Variants in LOXL3 observed in about 807,000 individuals in gnomAD.
LOXL3 encodes the protein lysyl oxidase like 3, also known as lysyl oxidase homolog 3.
LOXL3 carries 60 observed loss-of-function variants against 91.8 expected under a neutral mutation model. The observed-to-expected ratio is 0.65, with a 90% CI of 0.53 to 0.81. The LOEUF is 0.81. Ranked by LOEUF, LOXL3 falls within the 30% of genes least tolerant of loss-of-function variation. The pLI is 0.00. For synonymous variants in LOXL3, 355 were observed against 387.6 expected (o/e 0.92, Z 0.99); for missense variants, 874 against 1,000.4 (o/e 0.87, Z 1.70).
rs1379854381 is a variant in LOXL3 at position 74,534,711 on chromosome 2, G to T, written c.1643C>A (p.Pro548His). Residue 548 changes from proline (P) to histidine (H), a missense_variant, in exon 10 of 14, where the codon CCC becomes CAC. Pro to His is a moderately conservative substitution (Grantham distance 77). Transcript: ENST00000264094. Reference sequence around the variant, plus strand: ...CGCAGCACAGTACAACATATGCAGGGGCCGGTCTTCGATGTAGGCGGTCTC... The same window carrying T: ...CGCAGCACAGTACAACATATGCAGGTGCCGGTCTTCGATGTAGGCGGTCTC... ...VQETAYIEDR[P>H]LHMLYCAAEE... The T allele has an allele frequency of 3.8e-5, 61 of 1,614,018 alleles. No individual in the cohort carries two copies. The highest frequency in any genetic ancestry group is 5.0e-5 in the Non-Finnish European group (59 of 1,180,030).
intron 4 of LOXL3, among the ~76,000 whole-genome samples, chr2:74,546,546 C>G (rs897658282): frequency 2.0e-5 from 3 of 152,062 alleles, no homozygotes; most frequent in African/African-American, 7.2e-5. Context: ...CACACACAGG[C>G]ACACACACAC....
chr2:74,543,899 T>TAAAAAAAAAAAAAA (rs1352260802), intron 4 of LOXL3, among the ~76,000 whole-genome samples: 1 of 49,320 alleles, frequency 2.0e-5, no homozygotes, highest in African/African-American at 1.2e-4. Flanking sequence ...AGGCTCTGTC[T>TAAAAAAAAAAAAAA]CAAAAAAAAA....
chr2:74,537,006 A>G (rs1444065090), intron 4 of LOXL3, 78 bp from the exon 5 acceptor site: 10 of 1,145,426 alleles, frequency 8.7e-6, no homozygotes, highest in African/African-American at 4.6e-5. Context: ...CTCCCACTTC[A>G]TGCCTCCACC....
rs570281864 is a variant in LOXL3 at position 74,534,897 on chromosome 2, G to A, written c.1580-123C>T. 6.5e-5 allele frequency: 75 copies of A among 1,161,214 alleles called. 2 individuals are homozygous for A. The East Asian group carries it at 1.7e-3, about 27-fold the overall frequency. 71.9% of individuals were successfully genotyped at this position (1,161,214 alleles called of 1,614,324 possible). A position where few individuals can be genotyped will look rare whatever the true frequency, so the allele number is the denominator to read the frequency against. ...TTTGTTTTTGTTTGTTTGTTTGTTT[G>A]AGATGGAGTCTCACTCTGTTGCCGA... On this transcript the variant is annotated intron_variant, in intron 9 of 13. Coordinates refer to ENST00000264094, the MANE Select transcript of LOXL3 (RefSeq NM_032603.5).
Position 74,534,530 on chromosome 2 carries a change from C to T in LOXL3, c.1823+1G>A. 2.5e-6 allele frequency: 4 copies of T among 1,614,162 alleles called. No individual in the cohort carries two copies. Among genetic ancestry groups the T allele is most frequent in the Non-Finnish European group, 3.4e-6 (4 of 1,179,978 alleles). On this transcript the variant is annotated splice_donor_variant, in intron 10 of 13. Transcript: ENST00000264094. LOFTEE classifies it high-confidence loss of function. ...TTCTACTTGACTCCCTACCCTCTCA[C>T]CCATGGCACTCGTGCCACACCCAGG... is the stretch of plus-strand genomic sequence containing the variant.
In LOXL3 at chr2:74,536,201, T is replaced by G; in HGVS notation, c.1094-51A>C. 6.2e-7 allele frequency: 1 copy of G among 1,612,024 alleles called. No individual in the cohort carries two copies. Among genetic ancestry groups the G allele is most frequent in the Non-Finnish European group, 8.5e-7 (1 of 1,179,848 alleles). ...AAGTTGTAATTAAGCATATATTGTC[T>G]GCCCAGGGGACACCTAACCTTCCGA... On this transcript the variant is annotated intron_variant, in intron 6 of 13. Coordinates refer to ENST00000264094, the MANE Select transcript of LOXL3 (RefSeq NM_032603.5). This position sits in a 1 kb window ranked among gnomAD's most constrained non-coding sequence, Gnocchi z 4.5.
chr2:74,542,247 G>A (rs1676366163), intron 4 of LOXL3, among the ~76,000 whole-genome samples: 1 of 152,124 alleles, frequency 6.6e-6, no homozygotes, highest in African/African-American at 2.4e-5. Flanking sequence ...GAGCCATGAT[G>A]GCGCCACTGC....
upstream of LOXL3, chr2:74,554,700 C>T (rs1377997457): frequency 6.3e-7 from 1 of 1,587,772 alleles, no homozygotes; most frequent in Non-Finnish European, 8.6e-7. This position sits in a 1 kb window ranked among gnomAD's most constrained non-coding sequence, Gnocchi z 4.9. Flanking sequence ...GGCCCCGCCT[C>T]CCGCCCCGCC....
rs751096939 is a variant in LOXL3 at position 74,549,547 on chromosome 2, G to C, written c.514C>G (p.Arg172Gly). 6.2e-7 allele frequency: 1 copy of C among 1,611,514 alleles called. No homozygotes were observed. Among genetic ancestry groups the C allele is most frequent in the East Asian group, 2.2e-5 (1 of 44,784 alleles). ...HHLQVEEVRI[R>G]PAVGWGRRPL... ...CGTCTGCCCCACCCAACGGCGGGTC[G>C]AATTCGCACCTCCTCCACTTGCAGG... Residue 172 changes from arginine to glycine, a missense_variant, in exon 4 of 14, where the codon CGA becomes GGA. Transcript: ENST00000264094. The surrounding 1 kb of genome is among the most constrained non-coding windows in gnomAD (Gnocchi z 5.3).
At chr2:74,547,319 A>G (rs1276601787) in intron 4 of LOXL3, among the ~76,000 whole-genome samples, 1 of 152,214 alleles carries the variant, frequency 6.6e-6, no homozygotes, top group Non-Finnish European at 1.5e-5. Flanking sequence ...GGTAGTGTCT[A>G]CAACAGTACC....
chr2:74,537,042 T>C (rs1165694431), intron 4 of LOXL3, 114 bp from the exon 5 acceptor site: 9 of 769,254 alleles, frequency 1.2e-5, no homozygotes, highest in Non-Finnish European at 1.9e-5. Context: ...TTGTGACCAT[T>C]TATCTCCTCT....
chr2:74,554,619 C>A (rs921976495), upstream of LOXL3: 2 of 775,712 alleles, frequency 2.6e-6, no homozygotes, highest in Non-Finnish European at 4.2e-6. The surrounding 1 kb of genome is among the most constrained non-coding windows in gnomAD (Gnocchi z 4.9). Context: ...TCCTCTCCCT[C>A]ACCCCACCGC....
At position 74,535,779 on chromosome 2, in the gene LOXL3, G is replaced by A. The variant is rs749116545; in HGVS notation, c.1249-24C>T. ...ATCTGTAGTGACACAGAATGGAAGC[G>A]CTGGAGAAAGCTTTGGGGTGAGGTA... On this transcript the variant is annotated intron_variant, in intron 7 of 13. Coordinates refer to ENST00000264094, the MANE Select transcript of LOXL3 (RefSeq NM_032603.5). This position sits in a 1 kb window ranked among gnomAD's most constrained non-coding sequence, Gnocchi z 4.2. 12 of 1,534,452 alleles carry A rather than the reference G, an allele frequency of 7.8e-6. No homozygotes were observed. Among genetic ancestry groups the A allele is most frequent in the African/African-American group, 5.6e-5 (4 of 71,898 alleles).
intron 4 of LOXL3, among the ~76,000 whole-genome samples, chr2:74,543,245 T>C (rs1676418486): frequency 6.6e-6 from 1 of 152,192 alleles, no homozygotes. Context: ...CTCCCCTATC[T>C]GGTCATTAAA....
upstream of LOXL3, chr2:74,554,761 G>T (rs368294305): frequency 1.9e-6 from 3 of 1,613,406 alleles, no homozygotes; most frequent in East Asian, 2.2e-5. This position sits in a 1 kb window ranked among gnomAD's most constrained non-coding sequence, Gnocchi z 4.9. Context: ...GGCCATGGAC[G>T]GAGCAGTGAT....
chr2:74,554,708 G>GCCTCCCGCCTCCCGCCCCC, upstream of LOXL3: 1 of 1,593,498 alleles, frequency 6.3e-7, no homozygotes, highest in Non-Finnish European at 8.6e-7. This position sits in a 1 kb window ranked among gnomAD's most constrained non-coding sequence, Gnocchi z 4.9. Flanking sequence ...CTCCCGCCCC[G>GCCTCCCGCCTCCCGCCCCC]CCTCCCGCCG....
Position 74,533,968 on chromosome 2 carries a change from A to C in LOXL3, c.2102T>G (p.Val701Gly), listed in dbSNP as rs535514021. ...ATTGTTGGTAAAGTCACTCTCTGCT[A>C]CTTCAAAGTTTGGGTTGATGACAAC... ...LQVVINPNFEVAESDFTNNAM... is the reference protein window; with the variant it reads ...LQVVINPNFEGAESDFTNNAM... The change falls in exon 13 of 14, where the codon GTA (valine) becomes GGA (glycine). Residue 701 changes from valine (V) to glycine (G), a missense_variant. Val to Gly is a moderately radical substitution (Grantham distance 109, BLOSUM62 -3). Transcript: ENST00000264094. 2 of 1,614,090 alleles carry C rather than the reference A, an allele frequency of 1.2e-6. No individual in the cohort carries two copies. The highest frequency in any genetic ancestry group is 1.1e-5 in the South Asian group (1 of 91,070).
intron 1 of LOXL3, 25 bp from the exon 2 acceptor site, chr2:74,552,671 G>A (rs1245362411): frequency 2.0e-6 from 3 of 1,486,128 alleles, no homozygotes; most frequent in South Asian, 1.3e-5. Context: ...GACAAAGTGT[G>A]CGTGAGAGAA....
rs1252771576 is a variant in LOXL3, at chr2:74,534,362, C to T, written c.1893G>A (p.Glu631=). 6 of 1,614,160 alleles carry T rather than the reference C, an allele frequency of 3.7e-6. No homozygotes were observed. Among genetic ancestry groups the T allele is most frequent in the Non-Finnish European group, 5.1e-6 (6 of 1,180,054 alleles). Residue 631 remains glutamate, a synonymous_variant, in exon 11 of 14, where the codon GAG becomes GAA. Coordinates refer to ENST00000264094, the MANE Select transcript of LOXL3 (RefSeq NM_032603.5). The part of the protein sequence containing the change: ...ILTPNGTKVA[E]GHKASFCLED... ...CGAGACAGAAACTAGCTTTGTGGCC[C>T]TCAGCCACCTTGGTGCCATTTGGGG...
Sources: allele counts gnomAD v4.1 joint callset (sites outside exome capture counted in the v4.1 genomes callset), GRCh38; gene constraint gnomAD v4.1.1; non-coding constraint Gnocchi (gnomAD v3.1); transcripts MANE v1.5; gene names NCBI Gene and HGNC (gene_info 2026-07-23, HGNC 2026-07-21).